Variants in CADM2 observed in about 807,000 individuals in gnomAD.
The protein encoded by CADM2 is cell adhesion molecule 2, also known as immunoglobulin superfamily member 4D.
A neutral mutation model predicts 49.8 loss-of-function variants in CADM2; 12 were observed. That is an observed-to-expected ratio of 0.24 (90% CI 0.15 to 0.39). CADM2 has a LOEUF of 0.39. CADM2 is among the 10% of genes least tolerant of loss of function. The pLI, the probability that CADM2 is intolerant of heterozygous loss-of-function variation, is 1.00. For missense variants in CADM2, 378 were observed against 492.3 expected (o/e 0.77, Z 2.20); for synonymous variants, 214 against 175.4 (o/e 1.22, Z -1.74).
chr3:85,537,656 G>C (rs2167046), intron 1 of CADM2, among the ~76,000 whole-genome samples: 5 of 151,740 alleles, frequency 3.3e-5, no homozygotes, highest in African/African-American at 1.2e-4. Context: ...AACATGTCAT[G>C]TTATAACCAG....
chr3:86,014,672 G>A (rs1731982080), intron 8 of CADM2: 1 of 1,553,086 alleles, frequency 6.4e-7, no homozygotes, highest in Non-Finnish European at 8.7e-7. Context: ...CCTCAGTCAT[G>A]GGACAACTCA....
At chr3:85,004,918 A>G (rs1006611926) in intron 1 of CADM2, among the ~76,000 whole-genome samples, 1 of 152,128 alleles carries the variant, frequency 6.6e-6, no homozygotes, top group Non-Finnish European at 1.5e-5. Flanking sequence ...ACTGATGTCC[A>G]GAAAAGGAAG....
At chr3:85,168,706 T>C (rs1162212253) in intron 1 of CADM2, among the ~76,000 whole-genome samples, 1 of 152,166 alleles carries the variant, frequency 6.6e-6, no homozygotes, top group African/African-American at 2.4e-5. Flanking sequence ...CTATCTAATA[T>C]TGATTCTGAA....
intron 1 of CADM2, among the ~76,000 whole-genome samples, chr3:85,114,187 A>C (rs1341142592): frequency 6.6e-6 from 1 of 151,836 alleles, no homozygotes; most frequent in Non-Finnish European, 1.5e-5. Context: ...CACTGGGAAT[A>C]GGTGTGTGTT....
chr3:85,137,542 T>C (rs143127557), intron 1 of CADM2, among the ~76,000 whole-genome samples: 1 of 152,178 alleles, frequency 6.6e-6, no homozygotes, highest in African/African-American at 2.4e-5. Flanking sequence ...AAATATTTAC[T>C]CTACATCTTG....
At chr3:85,590,565 AAATT>A (rs1347819405) in intron 1 of CADM2, among the ~76,000 whole-genome samples, 2 of 152,030 alleles carry the variant, frequency 1.3e-5, no homozygotes, top group South Asian at 2.1e-4. Flanking sequence ...GACAGTAAGA[AAATT>A]AATTATACAA....
At chr3:85,559,860 T>C (rs1389121377) in intron 1 of CADM2, among the ~76,000 whole-genome samples, 1 of 152,130 alleles carries the variant, frequency 6.6e-6, no homozygotes, top group Non-Finnish European at 1.5e-5. Context: ...TTAATTTAAA[T>C]ATAAAATTTA....
chr3:85,744,531 TAATA>T (rs540954249), intron 2 of CADM2, among the ~76,000 whole-genome samples: 4,305 of 151,556 alleles, frequency 0.028, 193 homozygotes, highest in African/African-American at 0.096. Flanking sequence ...TAAAGATAAA[TAATA>T]AATAAATAAA....
intron 2 of CADM2, among the ~76,000 whole-genome samples, chr3:85,728,932 C>CT (rs1421542859): frequency 6.6e-6 from 1 of 152,062 alleles, no homozygotes; most frequent in Non-Finnish European, 1.5e-5. Flanking sequence ...ATTACACCTT[C>CT]TTTTTTTAAA....
At chr3:85,403,796 T>C (rs1422891201) in intron 1 of CADM2, among the ~76,000 whole-genome samples, 1 of 152,128 alleles carries the variant, frequency 6.6e-6, no homozygotes, top group African/African-American at 2.4e-5. Flanking sequence ...CAGCACAATA[T>C]TCAAAGCTGT....
chr3:85,461,255 A>G (rs1296220032), intron 1 of CADM2, among the ~76,000 whole-genome samples: 1 of 152,066 alleles, frequency 6.6e-6, no homozygotes, highest in East Asian at 1.9e-4. Context: ...TCTCAACACC[A>G]TGTAATATTA....
At chr3:85,645,707 T>C (rs1287559949) in intron 1 of CADM2, among the ~76,000 whole-genome samples, 2 of 152,134 alleles carry the variant, frequency 1.3e-5, no homozygotes, top group African/African-American at 2.4e-5. Flanking sequence ...AGTAAAAATA[T>C]ATAATCTGTA....
chr3:85,609,019 A>G (rs1421548999), intron 1 of CADM2, among the ~76,000 whole-genome samples: 3 of 152,028 alleles, frequency 2.0e-5, no homozygotes, highest in Non-Finnish European at 4.4e-5. Flanking sequence ...TTCTACTTGA[A>G]TTTTTTTGTT....
At chr3:85,207,850 GT>G (rs936672066) in intron 1 of CADM2, among the ~76,000 whole-genome samples, 4 of 152,186 alleles carry the variant, frequency 2.6e-5, no homozygotes, top group Admixed American at 6.5e-5. Flanking sequence ...CTTGAAAGGA[GT>G]TTTTTTGTTT....
intron 1 of CADM2, among the ~76,000 whole-genome samples, chr3:85,173,622 T>A (rs1416153463): frequency 6.6e-6 from 1 of 152,144 alleles, no homozygotes. Flanking sequence ...AATATAAAGA[T>A]GACAGGAAGA....
chr3:85,508,074 T>G (rs759046869), intron 1 of CADM2, among the ~76,000 whole-genome samples: 1 of 152,308 alleles, frequency 6.6e-6, no homozygotes, highest in Non-Finnish European at 1.5e-5. Context: ...CTATTCCAAC[T>G]GCCTTCAATA....
chr3:85,703,967 C>G (rs1354395687), intron 1 of CADM2, among the ~76,000 whole-genome samples: 1 of 152,162 alleles, frequency 6.6e-6, no homozygotes, highest in African/African-American at 2.4e-5. Context: ...GCTGGCCAGT[C>G]TTGCTCTGCA....
chr3:85,231,435 G>GAA (rs71617937), intron 1 of CADM2, among the ~76,000 whole-genome samples: 2 of 148,932 alleles, frequency 1.3e-5, no homozygotes, highest in South Asian at 2.1e-4. Context: ...GAACAAATAA[G>GAA]AAAAAAAAAC....
chr3:85,601,764 A>C (rs1009663846), intron 1 of CADM2, among the ~76,000 whole-genome samples: 4 of 151,548 alleles, frequency 2.6e-5, no homozygotes, highest in Non-Finnish European at 4.4e-5. Flanking sequence ...GTGTTCATTT[A>C]CTATGCATTT....
Sources: gnomAD v4.1 joint callset for allele counts (sites outside exome capture counted in the v4.1 genomes callset) on GRCh38, gnomAD v4.1.1 for gene constraint, MANE v1.5 for transcripts, NCBI Gene and HGNC (gene_info 2026-07-23, HGNC 2026-07-21) for gene names.